FARSB: variants seen among roughly 807,000 people sequenced by gnomAD.
FARSB encodes phenylalanyl-tRNA synthetase subunit beta, also known as phenylalanine--tRNA ligase beta subunit.
In FARSB, 40 loss-of-function variants were observed where a neutral mutation model predicts 69.6. The observed-to-expected ratio is 0.57, with a 90% CI of 0.45 to 0.75. FARSB has a LOEUF of 0.75. FARSB is among the 30% of genes least tolerant of loss of function. The probability of loss-of-function intolerance (pLI) is 0.00; values close to 1 mark genes in which losing one functional copy is unlikely to be tolerated. For synonymous variants in FARSB, 235 were observed against 247.2 expected, an observed-to-expected ratio of 0.95 and a Z score of 0.46; for missense variants, 632 against 722.9, an observed-to-expected ratio of 0.87 and a Z score of 1.44.
At chr2:222,591,364 G>A (rs1457185297) in intron 16 of FARSB, among the ~76,000 whole-genome samples, 3 of 152,120 alleles carry the variant, frequency 2.0e-5, no homozygotes, top group Non-Finnish European at 4.4e-5. Flanking sequence ...CAAGCACCTA[G>A]AGTTCCTGTG....
intron 2 of FARSB, among the ~76,000 whole-genome samples, chr2:222,645,150 T>A (rs560202884): frequency 6.6e-6 from 1 of 152,104 alleles, no homozygotes; most frequent in East Asian, 1.9e-4. Flanking sequence ...ACCATAAAGA[T>A]CATATAATCC....
chr2:222,597,371 T>G (rs181702097), intron 16 of FARSB, among the ~76,000 whole-genome samples: 2 of 151,972 alleles, frequency 1.3e-5, no homozygotes, highest in Non-Finnish European at 2.9e-5. Context: ...CAACCTGGCC[T>G]AACAAAATTG....
At position 222,632,533 on chromosome 2, in the gene FARSB, G is replaced by A. The variant is rs755083675; in HGVS notation, c.715+666C>T. Among the ~76,000 whole-genome samples, 11 of 152,146 alleles carry A rather than the reference G, an allele frequency of 7.2e-5. 1 individual carries two copies. Among genetic ancestry groups the A allele is most frequent in the South Asian group, 2.1e-4 (1 of 4,830 alleles). On this transcript the variant is annotated intron_variant, in intron 7 of 16. Transcript: ENST00000281828. ...AAGCCTCCTTCTTACCTCCAGAAAC[G>A]CAAACATCTATGTCTCAGACATCAT...
chr2:222,609,356 G>T lies in FARSB; in HGVS notation c.1462+4455C>A, dbSNP rs1690785288. 2.0e-5 allele frequency among the ~76,000 whole-genome samples: 3 copies of T among 152,252 alleles called. No individual in the cohort carries two copies. In the South Asian group the frequency reaches 6.2e-4, roughly 32 times the overall value. On this transcript the variant is annotated intron_variant, in intron 15 of 16. Coordinates refer to ENST00000281828, the MANE Select transcript of FARSB (RefSeq NM_005687.5). ...GTTTAGTTGTTCCTGACATTTAACA[G>T]AAAAAATTAAAATGTTAAGGATTTA...
At chr2:222,652,869 T>A (rs914295028) in intron 1 of FARSB, among the ~76,000 whole-genome samples, 1 of 152,226 alleles carries the variant, frequency 6.6e-6, no homozygotes, top group African/African-American at 2.4e-5. Context: ...AATAGATAAC[T>A]AAGTGGTACA....
chr2:222,631,898 C>T (rs112713526), intron 7 of FARSB, among the ~76,000 whole-genome samples: 16,582 of 152,262 alleles, frequency 0.11, 976 homozygotes, highest in Non-Finnish European at 0.12. Flanking sequence ...CACAGAGAAA[C>T]CCCTTCTCTA....
intron 9 of FARSB, among the ~76,000 whole-genome samples, chr2:222,629,446 C>A (rs1345322727): frequency 6.6e-6 from 1 of 152,102 alleles, no homozygotes; most frequent in Non-Finnish European, 1.5e-5. Context: ...ACATGCTTTG[C>A]TCTTATATAT....
At chr2:222,633,449 G>A (rs530264120) in intron 6 of FARSB, 142 bp from the exon 7 acceptor site, 566 of 466,264 alleles carry the variant, frequency 1.2e-3, no homozygotes, top group Non-Finnish European at 1.9e-3. Context: ...TTGGGAGGCT[G>A]AGGCCGGTGG....
intron 10 of FARSB, 115 bp downstream of exon 10, chr2:222,628,722 C>T: frequency 2.8e-6 from 2 of 705,938 alleles, no homozygotes; most frequent in Non-Finnish European, 5.0e-6. Flanking sequence ...TAGTGTAGCG[C>T]CTGGCACACG....
intron 16 of FARSB, among the ~76,000 whole-genome samples, chr2:222,578,793 CAT>C (rs1185217505): frequency 5.3e-5 from 8 of 151,688 alleles, no homozygotes; most frequent in African/African-American, 9.7e-5. Context: ...TCCTGGCTAA[CAT>C]GGTGAAACCC....
chr2:222,652,728 T>G (rs952790881), intron 1 of FARSB, among the ~76,000 whole-genome samples: 3 of 152,230 alleles, frequency 2.0e-5, no homozygotes, highest in African/African-American at 7.2e-5. Context: ...ACACCTTGAC[T>G]GCAATCTGGT....
At chr2:222,572,053 T>C (rs1357332433) in intron 16 of FARSB, 31 bp from the exon 17 acceptor site, 2 of 1,599,026 alleles carry the variant, frequency 1.3e-6, no homozygotes, top group Admixed American at 3.5e-5. Context: ...GAAAAATCAA[T>C]GTTTCTTCTG....
At chr2:222,608,141 G>A (rs576264368) in intron 15 of FARSB, among the ~76,000 whole-genome samples, 1 of 152,218 alleles carries the variant, frequency 6.6e-6, no homozygotes, top group Non-Finnish European at 1.5e-5. Flanking sequence ...TAATGTCGAT[G>A]CTCCTTACAC....
At chr2:222,636,069 G>C (rs891470997) in intron 5 of FARSB, among the ~76,000 whole-genome samples, 50 of 145,138 alleles carry the variant, frequency 3.4e-4, no homozygotes, top group African/African-American at 1.2e-3. Context: ...AACAAGGTGA[G>C]ACTCTGTCTC....
At chr2:222,613,168 T>C (rs1247236066) in intron 15 of FARSB, among the ~76,000 whole-genome samples, 2 of 152,246 alleles carry the variant, frequency 1.3e-5, no homozygotes, top group African/African-American at 4.8e-5. Flanking sequence ...AGCAACCAAA[T>C]AGCTGGACCT....
chr2:222,613,651 T>A (rs779147785), intron 15 of FARSB, among the ~76,000 whole-genome samples, 160 bp downstream of exon 15: 4 of 152,220 alleles, frequency 2.6e-5, no homozygotes, highest in Admixed American at 2.6e-4. Flanking sequence ...GTGGTATAGA[T>A]GAAAGAAGCC....
intron 16 of FARSB, among the ~76,000 whole-genome samples, chr2:222,591,806 A>G (rs1043952042): frequency 2.0e-5 from 3 of 152,212 alleles, no homozygotes; most frequent in African/African-American, 7.2e-5. Context: ...GCAAATGCAA[A>G]CTGGAAATAA....
intron 10 of FARSB, among the ~76,000 whole-genome samples, chr2:222,627,519 C>T (rs2106222823): frequency 6.6e-6 from 1 of 152,254 alleles, no homozygotes; most frequent in Admixed American, 6.5e-5. Context: ...TTGCTCAGAC[C>T]AGGAAAACCA....
At chr2:222,595,129 A>T (rs1270846291) in intron 16 of FARSB, among the ~76,000 whole-genome samples, 3 of 152,202 alleles carry the variant, frequency 2.0e-5, no homozygotes, top group Non-Finnish European at 4.4e-5. Flanking sequence ...AAAAACTTCC[A>T]ATTTTTTTCA....
Sources: gnomAD v4.1 joint callset for allele counts (sites outside exome capture counted in the v4.1 genomes callset) on GRCh38, gnomAD v4.1.1 for gene constraint, MANE v1.5 for transcripts, NCBI Gene and HGNC (gene_info 2026-07-23, HGNC 2026-07-21) for gene names.